RBM27: variants seen among roughly 807,000 people sequenced by gnomAD.
RBM27 encodes the protein RNA-binding protein 27.
RBM27 carries 22 observed loss-of-function variants against 135.3 expected under a neutral mutation model. That is an observed-to-expected ratio of 0.16 (90% CI 0.12 to 0.23). The LOEUF is 0.23. RBM27 is among the 10% of genes least tolerant of loss of function. The pLI, the probability that RBM27 is intolerant of heterozygous loss-of-function variation, is 1.00. For synonymous variants in RBM27, 481 were observed against 442.4 expected, an observed-to-expected ratio of 1.09 and a Z score of -1.10; for missense variants, 1,009 against 1,281.0, an observed-to-expected ratio of 0.79 and a Z score of 3.24.
chr5:146,215,235 A>G (rs1756139835), intron 1 of RBM27, among the ~76,000 whole-genome samples: 1 of 152,106 alleles, frequency 6.6e-6, no homozygotes, highest in African/African-American at 2.4e-5. Flanking sequence ...TTTTTAGTAG[A>G]CATGGGGTTT....
At chr5:146,237,513 A>C (rs1757221559) in intron 8 of RBM27, 81 bp downstream of exon 8, 2 of 1,437,856 alleles carry the variant, frequency 1.4e-6, no homozygotes, top group Non-Finnish European at 9.6e-7. Flanking sequence ...CCTTTAAAAA[A>C]TGGTAAATAG....
At chr5:146,266,042 G>A in intron 14 of RBM27, among the ~76,000 whole-genome samples, 1 of 152,138 alleles carries the variant, frequency 6.6e-6, no homozygotes, top group Non-Finnish European at 1.5e-5. Flanking sequence ...CACTCAAAGG[G>A]ACCCAGGGAT....
intron 1 of RBM27, among the ~76,000 whole-genome samples, chr5:146,214,457 C>A (rs1475803215): frequency 1.3e-5 from 2 of 152,130 alleles, no homozygotes; most frequent in African/African-American, 4.8e-5. Flanking sequence ...AGTGATGCTG[C>A]ACTTGTCTTA....
intron 10 of RBM27, 143 bp from the exon 11 acceptor site, chr5:146,258,306 G>A: frequency 1.8e-6 from 1 of 549,736 alleles, no homozygotes; most frequent in Non-Finnish European, 2.8e-6. Flanking sequence ...AAAGGCATTT[G>A]TAACTTTTTC....
At chr5:146,223,296 A>G (rs1756534959) in intron 2 of RBM27, 107 bp from the exon 3 acceptor site, 1 of 987,776 alleles carries the variant, frequency 1.0e-6, no homozygotes, top group Non-Finnish European at 1.4e-6. Flanking sequence ...TTTTAGTCCT[A>G]CTAGCAGTGT....
chr5:146,203,759 C>G lies in RBM27; in HGVS notation c.-7C>G, dbSNP rs1426817322. On this transcript the variant is annotated 5_prime_UTR_variant, in exon 1 of 21. Transcript: ENST00000265271. ...AGAGCGGCGGCCGAGCCCGCCTTCC[C>G]TGCACCATGCTCATAGAGGATGTGG... 5 of 1,550,816 alleles carry G rather than the reference C, an allele frequency of 3.2e-6. No individual in the cohort carries two copies. The highest frequency in any genetic ancestry group is 3.5e-6 in the Non-Finnish European group (4 of 1,146,630).
At chr5:146,278,147 T>C (rs1192213497) in intron 19 of RBM27, among the ~76,000 whole-genome samples, 1 of 152,162 alleles carries the variant, frequency 6.6e-6, no homozygotes, top group African/African-American at 2.4e-5. Context: ...TTGAATTTTG[T>C]TTTTTTATCT....
chr5:146,237,204 T>A, intron 7 of RBM27, 94 bp from the exon 8 acceptor site: 1 of 1,481,100 alleles, frequency 6.8e-7, no homozygotes, highest in Admixed American at 1.8e-5. Context: ...CTCCCACAGT[T>A]CTGGATTACA....
chr5:146,205,221 G>A (rs1755579319), intron 1 of RBM27, among the ~76,000 whole-genome samples: 1 of 152,166 alleles, frequency 6.6e-6, no homozygotes, highest in Non-Finnish European at 1.5e-5. Flanking sequence ...ATTTTAAAGG[G>A]TAGAGTTGTG....
At chr5:146,274,667 G>T (rs1432132117) in intron 19 of RBM27, among the ~76,000 whole-genome samples, 1 of 152,214 alleles carries the variant, frequency 6.6e-6, no homozygotes, top group East Asian at 1.9e-4. Flanking sequence ...CAAATTTGAG[G>T]ATATTGATTG....
intron 14 of RBM27, among the ~76,000 whole-genome samples, chr5:146,264,654 T>TAAA (rs35210934): frequency 1.0e-5 from 1 of 97,900 alleles, no homozygotes; most frequent in Non-Finnish European, 2.1e-5. Context: ...CAAAGAGAGC[T>TAAA]AAAAAAAAAA....
chr5:146,275,149 A>C (rs1759038510), intron 19 of RBM27, among the ~76,000 whole-genome samples: 1 of 151,554 alleles, frequency 6.6e-6, no homozygotes, highest in Non-Finnish European at 1.5e-5. Context: ...GTATGTTATT[A>C]TGTTACTTTA....
chr5:146,272,615 AG>A (rs1194858916), intron 19 of RBM27, among the ~76,000 whole-genome samples: 3 of 151,954 alleles, frequency 2.0e-5, no homozygotes, highest in Non-Finnish European at 4.4e-5. Context: ...CCAGCTTCTT[AG>A]GAAGCTGAGG....
At chr5:146,210,853 A>AGG (rs1755904389) in intron 1 of RBM27, among the ~76,000 whole-genome samples, 1 of 152,098 alleles carries the variant, frequency 6.6e-6, no homozygotes, top group Non-Finnish European at 1.5e-5. Context: ...TGGCTGAGGC[A>AGG]GGAGAATGAC....
Position 146,233,627 on chromosome 5 carries a change from C to T in RBM27, c.1028C>T (p.Pro343Leu), listed in dbSNP as rs751935193. 28 of 1,600,556 alleles carry T rather than the reference C, an allele frequency of 1.7e-5. No homozygotes were observed. The highest frequency in any genetic ancestry group is 1.6e-4 in the South Asian group (14 of 89,744). The change falls in exon 7 of 21, where the codon CCG becomes CTG. Residue 343 changes from proline to leucine, a missense_variant. Coordinates refer to ENST00000265271, the MANE Select transcript of RBM27 (RefSeq NM_018989.2). ...MPPMPGPGPG[P>L]GPGPGPGPGP... ...CCAATGCCAGGTCCAGGCCCAGGCC[C>T]GGGCCCAGGTCCAGGCCCAGGCCCG... is the stretch of plus-strand genomic sequence containing the variant.
At chr5:146,220,485 A>AT (rs1756403381) in intron 2 of RBM27, among the ~76,000 whole-genome samples, 2 of 141,404 alleles carry the variant, frequency 1.4e-5, no homozygotes, top group East Asian at 2.0e-4. Flanking sequence ...AAAAAAAAAA[A>AT]AAAAATATAT....
intron 2 of RBM27, among the ~76,000 whole-genome samples, chr5:146,219,978 C>T (rs931382041): frequency 3.0e-4 from 46 of 152,082 alleles, no homozygotes; most frequent in African/African-American, 1.1e-3. Flanking sequence ...GCAACTGCCC[C>T]ACCTTGGCAT....
At chr5:146,229,616 A>G in intron 4 of RBM27, 101 bp from the exon 5 acceptor site, 2 of 946,482 alleles carry the variant, frequency 2.1e-6, no homozygotes, top group South Asian at 1.9e-5. Context: ...AAAAGCATAG[A>G]TATGCATTTG....
intron 1 of RBM27, among the ~76,000 whole-genome samples, chr5:146,212,854 C>T (rs540633674): frequency 2.0e-5 from 3 of 152,138 alleles, no homozygotes; most frequent in Admixed American, 1.3e-4. Context: ...CCTGGGATTA[C>T]AAGCACCCAC....
Sources: allele counts gnomAD v4.1 joint callset (sites outside exome capture counted in the v4.1 genomes callset), GRCh38; gene constraint gnomAD v4.1.1; transcripts MANE v1.5; gene names NCBI Gene and HGNC (gene_info 2026-07-23, HGNC 2026-07-21).